The following NBPF15 variants were observed in gnomAD, a reference collection of about 807,000 sequenced individuals.
NBPF15 encodes the protein NBPF family member NBPF15.
In NBPF15, 74 loss-of-function variants were observed where a neutral mutation model predicts 62.2. The ratio of observed to expected loss-of-function variants is 1.19; its 90% CI spans 0.99 to 1.44. NBPF15 has a LOEUF of 1.44. Among genes scored for constraint, NBPF15 ranks in the 40% most tolerant of loss-of-function variants. NBPF15 has a pLI of 0.00. For synonymous variants in NBPF15, 244 were observed against 209.7 expected, an observed-to-expected ratio of 1.16 and a Z score of -1.41; for missense variants, 790 against 550.0, an observed-to-expected ratio of 1.44 and a Z score of -4.36.
chr1:144,436,603 C>G (rs1291671546), intron 10 of NBPF15, among the ~76,000 whole-genome samples: 10 of 152,014 alleles, frequency 6.6e-5, no homozygotes, highest in Non-Finnish European at 1.0e-4. Context: ...TTCACTCTAA[C>G]AAGCCTGCTC....
At position 144,427,675 on chromosome 1, in the gene NBPF15, A is replaced by G. The variant is rs879967976; in HGVS notation, c.1213+143T>C. The G allele has an allele frequency of 7.0e-4, 447 of 634,198 alleles. 10 individuals are homozygous for G. In the South Asian group the frequency reaches 8.3e-3, roughly 12 times the overall value. The allele number at this position is 634,198 out of a possible 1,614,324, so 39.3% of individuals were successfully genotyped here. ...TGTCTGGGCTTCCAAGTGGAACTAG[A>G]GTTTCATTCAACCTACATGTGCCTA... is the stretch of plus-strand genomic sequence containing the variant. On this transcript the variant is annotated intron_variant, in intron 16 of 21. Coordinates refer to ENST00000581897, the MANE Select transcript of NBPF15 (RefSeq NM_001385408.1).
intron 13 of NBPF15, among the ~76,000 whole-genome samples, chr1:144,433,375 C>G (rs1367085735): frequency 6.6e-6 from 1 of 151,946 alleles, no homozygotes; most frequent in Non-Finnish European, 1.5e-5. Flanking sequence ...GACATCCTAA[C>G]ATCACAATTA....
chr1:144,423,098 G>A lies in NBPF15; in HGVS notation c.1928C>T (p.Ala643Val), dbSNP rs1457697935. ...AAAAAACCTATTGTCCACGTAAAGG[G>A]CGAAGCTGATATGCTCTTCCTCAAA... ...YSFEEEHISF[A>V]LYVDNRFFTL... Residue 643 changes from alanine to valine, a missense_variant, in exon 22 of 22, where the codon GCC (alanine) becomes GTC (valine). By Grantham distance (64) the Ala-to-Val change is moderately conservative. Transcript: ENST00000581897. 5 of 1,611,644 alleles carry A rather than the reference G, an allele frequency of 3.1e-6. No homozygotes were observed. The East Asian group carries it at 6.7e-5, about 22-fold the overall frequency.
At chr1:144,441,420 C>T (rs1553542634) in intron 6 of NBPF15, among the ~76,000 whole-genome samples, 2 of 151,098 alleles carry the variant, frequency 1.3e-5, no homozygotes, top group African/African-American at 2.4e-5. Context: ...ATTTAGATAT[C>T]TTCTTATGGA....
chr1:144,448,405 C>A (rs1382588403), intron 6 of NBPF15, among the ~76,000 whole-genome samples: 2 of 151,952 alleles, frequency 1.3e-5, no homozygotes, highest in South Asian at 2.1e-4. Context: ...AACCACTGAA[C>A]CAATTCTATG....
Position 144,440,232 on chromosome 1 carries a change from A to T in NBPF15, c.-127T>A, listed in dbSNP as rs1156473253. On this transcript the variant is annotated 5_prime_UTR_variant, in exon 7 of 22. Transcript: ENST00000581897. Reference sequence around the variant, plus strand: ...GGTGCCTCAACTCAGAGCTGAAAGCACTGTCAGTAGCGCAGACTCTGATAA... The same window carrying T: ...GGTGCCTCAACTCAGAGCTGAAAGCTCTGTCAGTAGCGCAGACTCTGATAA... The T allele has an allele frequency of 7.2e-6, 11 of 1,520,932 alleles. No individual in the cohort carries two copies. In the East Asian group the frequency reaches 2.2e-4, roughly 30 times the overall value. 94.2% of individuals were successfully genotyped at this position (1,520,932 alleles called of 1,614,324 possible).
In NBPF15 at chr1:144,439,950, T is replaced by C; in HGVS notation, c.54A>G (p.Leu18=). The C allele has an allele frequency of 9.9e-6, 16 of 1,611,078 alleles. No individual in the cohort carries two copies. The highest frequency in any genetic ancestry group is 1.4e-5 in the Non-Finnish European group (16 of 1,178,776). ...GGGGGCGCAATTTCTCATTGATTTC[T>C]AGAATGTTCATCTCTGCCTTCTCGC... ...LSSEKAEMNI[L]EINEKLRPQL... Residue 18 remains leucine, a synonymous_variant, in exon 8 of 22, where the codon CTA becomes CTG. Transcript: ENST00000581897.
intron 18 of NBPF15, 144 bp downstream of exon 18, chr1:144,426,134 G>A (rs1669438416): frequency 1.4e-5 from 9 of 638,698 alleles, no homozygotes; most frequent in Non-Finnish European, 2.5e-5. Flanking sequence ...TGAGACTACA[G>A]TTTCATTACA....
intron 6 of NBPF15, among the ~76,000 whole-genome samples, chr1:144,440,869 CTG>C (rs1450763323): frequency 1.3e-5 from 2 of 151,180 alleles, no homozygotes; most frequent in Non-Finnish European, 3.0e-5. Context: ...CGGGGTTTCA[CTG>C]TGTTAGCCAG....
chr1:144,461,218 G>A (rs1317988341), intron 1 of NBPF15, among the ~76,000 whole-genome samples, 163 bp downstream of exon 1: 4 of 152,136 alleles, frequency 2.6e-5, no homozygotes, highest in Admixed American at 6.5e-5. Context: ...GGCTGCGGGC[G>A]GCAGCGGCAA....
chr1:144,423,183 G>T lies in NBPF15; in HGVS notation c.1843C>A (p.Pro615Thr). 1.2e-6 allele frequency: 2 copies of T among 1,611,568 alleles called. No individual in the cohort carries two copies. Among genetic ancestry groups the T allele is most frequent in the Non-Finnish European group, 1.7e-6 (2 of 1,179,584 alleles). The change falls in exon 22 of 22, where the codon CCG becomes ACG. Residue 615 changes from proline to threonine, a missense_variant. By Grantham distance (38) the Pro-to-Thr change is conservative. Coordinates refer to ENST00000581897, the MANE Select transcript of NBPF15 (RefSeq NM_001385408.1). ...QDSLDRCYST[P>T]SMYFEQPDSF... ...TCAGGTTGTTCAAAGTACATTGACG[G>T]AGTCGAATAACATCTATCCAGTGAG...
chr1:144,434,121 A>C (rs1176977344), intron 12 of NBPF15, among the ~76,000 whole-genome samples: 18 of 149,846 alleles, frequency 1.2e-4, no homozygotes, highest in Non-Finnish European at 1.6e-4. Flanking sequence ...TGGTCAAACA[A>C]TTTTCTAAGA....
Position 144,455,909 on chromosome 1 carries a change from G to A in NBPF15, c.-432+628C>T, listed in dbSNP as rs1314803122. On this transcript the variant is annotated intron_variant, in intron 4 of 21. Coordinates refer to ENST00000581897, the MANE Select transcript of NBPF15 (RefSeq NM_001385408.1). ...CAGTGAAAGAAGGCATCCACCACAAGGTCCTGGGGAACCAAGAATTCCACT... is the reference window on the plus strand; with the variant it reads ...CAGTGAAAGAAGGCATCCACCACAAAGTCCTGGGGAACCAAGAATTCCACT... 2.0e-5 allele frequency among the ~76,000 whole-genome samples: 3 copies of A among 152,038 alleles called. 1 individual carries two copies. Among genetic ancestry groups the A allele is most frequent in the Non-Finnish European group, 4.4e-5 (3 of 67,992 alleles).
In NBPF15 at chr1:144,455,341, G is replaced by A. The variant is rs1281715843; in HGVS notation, c.-432+1196C>T. 3.9e-5 allele frequency among the ~76,000 whole-genome samples: 6 copies of A among 152,012 alleles called. No individual in the cohort carries two copies. The East Asian group carries it at 5.8e-4, about 15-fold the overall frequency. On this transcript the variant is annotated intron_variant, in intron 4 of 21. Coordinates refer to ENST00000581897, the MANE Select transcript of NBPF15 (RefSeq NM_001385408.1). ...ATTTACATGAAGATGAGAACATCCA[G>A]GGGAACTTACACCACCAGTATTTCC... is the stretch of plus-strand genomic sequence containing the variant.
intron 6 of NBPF15, among the ~76,000 whole-genome samples, chr1:144,448,128 A>T (rs1688870332): frequency 6.6e-6 from 1 of 152,006 alleles, no homozygotes; most frequent in Non-Finnish European, 1.5e-5. Context: ...TCTTCACCAC[A>T]ACAATCTCCA....
intron 20 of NBPF15, 96 bp downstream of exon 20, chr1:144,424,594 C>T (rs1290563919): frequency 3.0e-6 from 2 of 656,618 alleles, no homozygotes; most frequent in Non-Finnish European, 5.4e-6. Flanking sequence ...GCGGCAATGA[C>T]ATCTCTCAGC....
chr1:144,422,927 A>G lies in NBPF15; in HGVS notation c.*86T>C, dbSNP rs1666696462. ...TGACCCATCCTATGTCTGGGCTTCC[A>G]AATGGAACTGTACTTTCATTCAAAT... On this transcript the variant is annotated 3_prime_UTR_variant, in exon 22 of 22. Transcript: ENST00000581897. 2 of 1,611,160 alleles carry G rather than the reference A, an allele frequency of 1.2e-6. No homozygotes were observed. The highest frequency in any genetic ancestry group is 1.7e-5 in the Admixed American group (1 of 59,920).
chr1:144,428,526 T>G (rs1364992959), intron 15 of NBPF15, 80 bp downstream of exon 15: 2 of 742,340 alleles, frequency 2.7e-6, no homozygotes, highest in Non-Finnish European at 4.8e-6. Context: ...ATCATTATTT[T>G]CAGCATGTAC....
At chr1:144,432,211 G>T (rs1427160613) in intron 13 of NBPF15, among the ~76,000 whole-genome samples, 1 of 151,898 alleles carries the variant, frequency 6.6e-6, no homozygotes, top group Non-Finnish European at 1.5e-5. Flanking sequence ...GCCAAACAAA[G>T]CTTCATAAGT....
Sources: gnomAD v4.1 joint callset for allele counts (sites outside exome capture counted in the v4.1 genomes callset) on GRCh38, gnomAD v4.1.1 for gene constraint, MANE v1.5 for transcripts, NCBI Gene and HGNC (gene_info 2026-07-23, HGNC 2026-07-21) for gene names.